KHDRBS3: variants seen among roughly 807,000 people sequenced by gnomAD.
KHDRBS3 encodes the protein KH RNA binding domain containing, signal transduction associated 3, also known as KH domain-containing, RNA-binding, signal transduction-associated protein 3.
A neutral mutation model predicts 45.6 loss-of-function variants in KHDRBS3; 23 were observed. The observed-to-expected ratio is 0.50, with a 90% CI of 0.36 to 0.72. The LOEUF is 0.72. KHDRBS3 is among the 30% of genes least tolerant of loss of function. The probability of loss-of-function intolerance (pLI) is 0.00; values close to 1 mark genes in which losing one functional copy is unlikely to be tolerated. For synonymous variants in KHDRBS3, 162 were observed against 156.5 expected (o/e 1.04, Z -0.26); for missense variants, 352 against 424.8 (o/e 0.83, Z 1.51).
chr8:135,600,415 G>C (rs1421145922), intron 6 of KHDRBS3, among the ~76,000 whole-genome samples: 2 of 152,180 alleles, frequency 1.3e-5, no homozygotes, highest in East Asian at 3.9e-4. Context: ...GGAATGTAGA[G>C]GAAGCGGGGA....
intron 1 of KHDRBS3, among the ~76,000 whole-genome samples, chr8:135,491,385 C>G (rs1823142936): frequency 6.7e-6 from 1 of 150,364 alleles, no homozygotes; most frequent in South Asian, 2.1e-4. Context: ...GTTTTAGGAA[C>G]AACCAAAACA....
At chr8:135,575,679 G>C (rs1296041000) in intron 5 of KHDRBS3, among the ~76,000 whole-genome samples, 1 of 151,980 alleles carries the variant, frequency 6.6e-6, no homozygotes, top group African/African-American at 2.4e-5. Context: ...TAGTATTTTA[G>C]AACAGTTGTG....
chr8:135,593,065 T>C (rs73712081), intron 6 of KHDRBS3, among the ~76,000 whole-genome samples: 2,844 of 152,116 alleles, frequency 0.019, 90 homozygotes, highest in African/African-American at 0.064. Context: ...GAAAATAAAC[T>C]TGTGTTCAGT....
intron 1 of KHDRBS3, among the ~76,000 whole-genome samples, chr8:135,518,159 CTTTG>C (rs747354174): frequency 3.0e-4 from 46 of 151,928 alleles, no homozygotes; most frequent in Non-Finnish European, 5.2e-4. Context: ...TACTAAACTA[CTTTG>C]TTTTTTTTTG....
rs140275868 is a variant in KHDRBS3 at position 135,655,213 on chromosome 8, C to T, written c.*118-1013C>T. On this transcript the variant is annotated intron_variant and NMD_transcript_variant, in intron 4 of 4. Transcript: ENST00000521461. ...TTCACCTTTAAATAACAGTTTGCAT[C>T]TGATTCATCCTAGCAGTACTGATGC... 1.3e-3 allele frequency among the ~76,000 whole-genome samples: 205 copies of T among 152,340 alleles called. 1 individual carries two copies. The highest frequency in any genetic ancestry group is 4.7e-3 in the African/African-American group (195 of 41,570).
intron 1 of KHDRBS3, among the ~76,000 whole-genome samples, chr8:135,513,798 A>AT (rs1824430841): frequency 4.6e-5 from 7 of 151,972 alleles, no homozygotes; most frequent in Admixed American, 4.6e-4. Context: ...ACCTTGGAGT[A>AT]TTTTTTGATT....
Position 135,457,974 on chromosome 8 carries a change from C to T in KHDRBS3, c.88+20C>T. 6.4e-7 allele frequency: 1 copy of T among 1,573,936 alleles called. No individual in the cohort carries two copies. ...ACCAAGGTGAGGCGCCGGCCGTTAACTGCCGGCCGGCGGCGGTTGGGGGCC... is the reference window on the plus strand; with the variant it reads ...ACCAAGGTGAGGCGCCGGCCGTTAATTGCCGGCCGGCGGCGGTTGGGGGCC... On this transcript the variant is annotated intron_variant, in intron 1 of 8. Transcript: ENST00000355849. The surrounding 1 kb of genome is among the most constrained non-coding windows in gnomAD (Gnocchi z 4.4).
At chr8:135,462,814 A>G (rs1202893868) in intron 1 of KHDRBS3, among the ~76,000 whole-genome samples, 4 of 152,100 alleles carry the variant, frequency 2.6e-5, no homozygotes, top group Admixed American at 6.5e-5. Flanking sequence ...TCTTTTTACC[A>G]TGTCCTACTG....
intron 7 of KHDRBS3, among the ~76,000 whole-genome samples, chr8:135,632,729 G>T (rs1042617838): frequency 2.0e-5 from 3 of 151,916 alleles, no homozygotes; most frequent in African/African-American, 7.3e-5. Flanking sequence ...ACACACATAA[G>T]AAATGAAAGC....
intron 6 of KHDRBS3, among the ~76,000 whole-genome samples, chr8:135,588,972 T>C (rs1828616068): frequency 6.6e-6 from 1 of 152,186 alleles, no homozygotes; most frequent in Non-Finnish European, 1.5e-5. Context: ...GTTCTAATTC[T>C]TTCATCTTCC....
At chr8:135,510,385 T>C (rs927068376) in intron 1 of KHDRBS3, among the ~76,000 whole-genome samples, 1 of 152,184 alleles carries the variant, frequency 6.6e-6, no homozygotes, top group Non-Finnish European at 1.5e-5. Context: ...AGAAACAAGA[T>C]GAAGAAAATA....
chr8:135,535,368 T>C (rs1825693646), intron 2 of KHDRBS3, among the ~76,000 whole-genome samples: 1 of 89,704 alleles, frequency 1.1e-5, no homozygotes, highest in Non-Finnish European at 2.1e-5. Context: ...AGTTAAACTA[T>C]ATATAAACTA....
chr8:135,591,591 G>T (rs554678607), intron 6 of KHDRBS3, among the ~76,000 whole-genome samples: 1 of 152,296 alleles, frequency 6.6e-6, no homozygotes, highest in South Asian at 2.1e-4. Flanking sequence ...ATCTGTACAT[G>T]GGAATAGAGG....
downstream of KHDRBS3, among the ~76,000 whole-genome samples, chr8:135,652,547 T>G (rs1229882966): frequency 6.6e-6 from 1 of 152,216 alleles, no homozygotes; most frequent in Non-Finnish European, 1.5e-5. Context: ...AGCTTTTCTA[T>G]CAGTGCCATT....
chr8:135,617,230 CTTTTA>C (rs201401672), intron 7 of KHDRBS3, among the ~76,000 whole-genome samples: 19,041 of 132,328 alleles, frequency 0.14, 1,525 homozygotes, highest in Non-Finnish European at 0.16. Flanking sequence ...TTTTTAGCTA[CTTTTA>C]TTTTATTTTA....
chr8:135,654,357 T>C (rs1468660462), intron 4 of KHDRBS3, among the ~76,000 whole-genome samples: 2 of 152,224 alleles, frequency 1.3e-5, no homozygotes, highest in African/African-American at 4.8e-5. Flanking sequence ...TGGGCTTTTA[T>C]AGATGTTTCC....
chr8:135,529,135 C>G (rs1259703363), intron 2 of KHDRBS3, among the ~76,000 whole-genome samples: 1 of 152,184 alleles, frequency 6.6e-6, no homozygotes, highest in Non-Finnish European at 1.5e-5. Context: ...TTTAGAGAAA[C>G]TGGTTGGCGC....
chr8:135,630,712 C>T (rs1346541171), intron 7 of KHDRBS3, among the ~76,000 whole-genome samples: 3 of 151,912 alleles, frequency 2.0e-5, no homozygotes, highest in South Asian at 2.1e-4. Context: ...GCAATGGTAA[C>T]GGTGGTCAGT....
intron 7 of KHDRBS3, among the ~76,000 whole-genome samples, chr8:135,622,835 C>G (rs1272795978): frequency 6.6e-6 from 1 of 152,172 alleles, no homozygotes; most frequent in Non-Finnish European, 1.5e-5. Flanking sequence ...GAATCAAAAA[C>G]AGAAATACAA....
Sources: allele counts gnomAD v4.1 joint callset (sites outside exome capture counted in the v4.1 genomes callset), GRCh38; gene constraint gnomAD v4.1.1; non-coding constraint Gnocchi (gnomAD v3.1); transcripts MANE v1.5; gene names NCBI Gene and HGNC (gene_info 2026-07-23, HGNC 2026-07-21).